CDH10: variants seen among roughly 807,000 people sequenced by gnomAD.
CDH10 encodes the protein cadherin 10, also known as cadherin-10.
CDH10 carries 30 observed loss-of-function variants against 73.1 expected under a neutral mutation model. That is an observed-to-expected ratio of 0.41 (90% CI 0.31 to 0.56). CDH10 has a LOEUF of 0.56. Among genes scored for constraint, CDH10 ranks in the 20% least tolerant of loss-of-function variants. The pLI is 0.27. For missense variants in CDH10, 815 were observed against 973.7 expected, an observed-to-expected ratio of 0.84 and a Z score of 2.17; for synonymous variants, 345 against 348.2, an observed-to-expected ratio of 0.99 and a Z score of 0.10.
chr5:24,550,453 GA>G (rs1185791001), intron 2 of CDH10, among the ~76,000 whole-genome samples: 1 of 151,868 alleles, frequency 6.6e-6, no homozygotes, highest in Non-Finnish European at 1.5e-5. Flanking sequence ...ACAAAACAAG[GA>G]AATACTAGGA....
chr5:24,493,029 T>G (rs2111651830), intron 9 of CDH10, 104 bp from the exon 10 acceptor site: 1 of 629,600 alleles, frequency 1.6e-6, no homozygotes, highest in Admixed American at 2.5e-5. Flanking sequence ...AATAATTGAC[T>G]TTTATTTCAT....
In CDH10 at chr5:24,509,833, T is replaced by C. The variant is rs370001100; in HGVS notation, c.1003-14A>G. 2 of 1,590,486 alleles carry C rather than the reference T, an allele frequency of 1.3e-6. No individual in the cohort carries two copies. Among genetic ancestry groups the C allele is most frequent in the Non-Finnish European group, 1.7e-6 (2 of 1,168,644 alleles). On this transcript the variant is annotated splice_polypyrimidine_tract_variant and intron_variant, in intron 6 of 11. Transcript: ENST00000264463. ...ATAGTCGAGTGGCTGTATAAAAAAA[T>C]AAATCATCAAATTAGAGTGAGGGAA...
At chr5:24,631,703 C>T (rs964614332) in intron 1 of CDH10, among the ~76,000 whole-genome samples, 2 of 151,930 alleles carry the variant, frequency 1.3e-5, no homozygotes, top group Admixed American at 6.6e-5. Context: ...TACTTTTAAA[C>T]GTGGCTCTCT....
chr5:24,560,990 A>G (rs1390475297), intron 2 of CDH10, among the ~76,000 whole-genome samples: 2 of 152,110 alleles, frequency 1.3e-5, no homozygotes, highest in Non-Finnish European at 2.9e-5. Context: ...CCACTTCCCT[A>G]AGCTTCAGTT....
chr5:24,591,092 T>C (rs866110430), intron 2 of CDH10, among the ~76,000 whole-genome samples: 148 of 152,220 alleles, frequency 9.7e-4, no homozygotes, highest in African/African-American at 3.3e-3. Flanking sequence ...TTTATTGTAA[T>C]GTTTGTTTAT....
intron 9 of CDH10, among the ~76,000 whole-genome samples, chr5:24,495,175 T>C (rs543594700): frequency 2.0e-5 from 3 of 152,364 alleles, no homozygotes; most frequent in South Asian, 4.1e-4. Flanking sequence ...TCCACTGTTT[T>C]GTTTTTGTTC....
At chr5:24,557,140 C>G (rs1251828342) in intron 2 of CDH10, among the ~76,000 whole-genome samples, 2 of 151,508 alleles carry the variant, frequency 1.3e-5, no homozygotes, top group African/African-American at 4.8e-5. Flanking sequence ...TCTGTTAGTA[C>G]TATTAGTATA....
chr5:24,631,154 T>G (rs1410813901), intron 1 of CDH10, among the ~76,000 whole-genome samples: 1 of 152,086 alleles, frequency 6.6e-6, no homozygotes, highest in Non-Finnish European at 1.5e-5. Context: ...TAACACAAAG[T>G]GTCACTGCCT....
chr5:24,612,302 G>T (rs1213965856), intron 1 of CDH10: 1 of 152,150 alleles, frequency 6.6e-6, no homozygotes, highest in Non-Finnish European at 1.5e-5. Flanking sequence ...AGTAAGAATA[G>T]TTCCCTGAAC....
chr5:24,535,283 G>T lies in CDH10; in HGVS notation c.647-4C>A. 1 of 1,599,328 alleles carries T rather than the reference G, an allele frequency of 6.3e-7. No homozygotes were observed. The highest frequency in any genetic ancestry group is 8.5e-7 in the Non-Finnish European group (1 of 1,175,936). ...GGTAAAGCAGTCCTGATGATACCTT[G>T]AGAAAATATAAAAAAACTTCCATTA... On this transcript the variant is annotated splice_region_variant and splice_polypyrimidine_tract_variant and intron_variant, in intron 4 of 11. Coordinates refer to ENST00000264463, the MANE Select transcript of CDH10 (RefSeq NM_006727.5).
At chr5:24,501,948 T>A (rs1361636245) in intron 8 of CDH10, among the ~76,000 whole-genome samples, 1 of 151,822 alleles carries the variant, frequency 6.6e-6, no homozygotes, top group Non-Finnish European at 1.5e-5. Context: ...AGAGGGAATC[T>A]CACTCTGTCG....
intron 1 of CDH10, among the ~76,000 whole-genome samples, chr5:24,619,846 T>C (rs1747251457): frequency 6.6e-6 from 1 of 152,170 alleles, no homozygotes; most frequent in Non-Finnish European, 1.5e-5. Context: ...GAGCTGTCTC[T>C]GTACCAGAAA....
At chr5:24,587,762 G>T (rs1032541526) in intron 2 of CDH10, among the ~76,000 whole-genome samples, 5 of 152,070 alleles carry the variant, frequency 3.3e-5, no homozygotes, top group African/African-American at 1.2e-4. Flanking sequence ...TGAATATTTT[G>T]ATGGAATAAA....
chr5:24,642,532 C>G (rs534930257), intron 1 of CDH10, among the ~76,000 whole-genome samples: 3 of 152,212 alleles, frequency 2.0e-5, no homozygotes, highest in Non-Finnish European at 2.9e-5. Context: ...AAATATCACT[C>G]TAAATTAAAA....
intron 2 of CDH10, among the ~76,000 whole-genome samples, chr5:24,585,517 G>A (rs987256861): frequency 1.3e-5 from 2 of 152,102 alleles, no homozygotes; most frequent in African/African-American, 4.8e-5. Flanking sequence ...CCGCCTCCCA[G>A]GTTCAAGCAA....
chr5:24,593,754 C>A (rs1270686340), intron 1 of CDH10, 141 bp from the exon 2 acceptor site: 4 of 423,268 alleles, frequency 9.5e-6, no homozygotes, highest in Non-Finnish European at 1.7e-5. Context: ...TAACGGATAG[C>A]TTTGAGAAAT....
At chr5:24,615,803 C>T (rs925618475) in intron 1 of CDH10, among the ~76,000 whole-genome samples, 2 of 152,114 alleles carry the variant, frequency 1.3e-5, no homozygotes, top group Non-Finnish European at 2.9e-5. Flanking sequence ...ACAAAGTGAC[C>T]AAAGCTGAGC....
chr5:24,498,397 C>G lies in CDH10; in HGVS notation c.1515+1G>C, dbSNP rs2111682728. ...AGAGTTTTAATCCTGTAGGGGCTTA[C>G]CTGCCCTGGTCTGGCATTTTCACAT... On this transcript the variant is annotated splice_donor_variant, in intron 9 of 11. Coordinates refer to ENST00000264463, the MANE Select transcript of CDH10 (RefSeq NM_006727.5). LOFTEE classifies it high-confidence loss of function. 6.2e-7 allele frequency: 1 copy of G among 1,602,096 alleles called. No individual in the cohort carries two copies. Among genetic ancestry groups the G allele is most frequent in the African/African-American group, 1.3e-5 (1 of 74,690 alleles).
intron 1 of CDH10, among the ~76,000 whole-genome samples, chr5:24,606,040 G>C (rs746720624): frequency 5.3e-5 from 8 of 152,198 alleles, no homozygotes; most frequent in Non-Finnish European, 1.2e-4. Context: ...GGATACAAGA[G>C]AGATCGGTGA....
Sources: gnomAD v4.1 joint callset for allele counts (sites outside exome capture counted in the v4.1 genomes callset) on GRCh38, gnomAD v4.1.1 for gene constraint, MANE v1.5 for transcripts, NCBI Gene and HGNC (gene_info 2026-07-23, HGNC 2026-07-21) for gene names.